ADGRG6: variants seen among roughly 807,000 people sequenced by gnomAD.
The protein encoded by ADGRG6 is G-protein coupled receptor 126.
A neutral mutation model predicts 142.4 loss-of-function variants in ADGRG6; 84 were observed. The ratio of observed to expected loss-of-function variants is 0.59; its 90% CI spans 0.49 to 0.71. The LOEUF (loss-of-function observed/expected upper bound fraction) is 0.71. Among genes scored for constraint, ADGRG6 ranks in the 30% least tolerant of loss-of-function variants. ADGRG6 has a pLI of 0.00. For synonymous variants in ADGRG6, 521 were observed against 520.5 expected, an observed-to-expected ratio of 1.00 and a Z score of -0.01; for missense variants, 1,367 against 1,466.6, an observed-to-expected ratio of 0.93 and a Z score of 1.11.
chr6:142,417,497 C>G (rs560510770), intron 21 of ADGRG6, 128 bp downstream of exon 21: 1 of 609,234 alleles, frequency 1.6e-6, no homozygotes, highest in African/African-American at 1.9e-5. Flanking sequence ...CTGCCAAAAT[C>G]TCTGCTACAC....
In ADGRG6 at chr6:142,435,212, C is replaced by G. The variant is rs934185796; in HGVS notation, c.3320-2222C>G. On this transcript the variant is annotated intron_variant, in intron 22 of 24. Transcript: ENST00000367609. ...ATACAAGGATTGCCTACCTGGTTCACCATTGAATCTCCAACTCCTAAAACA... is the reference window on the plus strand; with the variant it reads ...ATACAAGGATTGCCTACCTGGTTCAGCATTGAATCTCCAACTCCTAAAACA... Among the ~76,000 whole-genome samples the G allele has an allele frequency of 2.6e-5, 4 of 152,104 alleles. No individual in the cohort carries two copies. In the South Asian group the frequency reaches 8.3e-4, roughly 32 times the overall value.
chr6:142,383,655 C>G (rs566692632), intron 5 of ADGRG6, 105 bp from the exon 6 acceptor site: 7 of 645,302 alleles, frequency 1.1e-5, no homozygotes. Flanking sequence ...AAAGTGGTTT[C>G]CATTCTTCCC....
At chr6:142,437,604 G>A in intron 23 of ADGRG6, 69 bp downstream of exon 23, 2 of 802,330 alleles carry the variant, frequency 2.5e-6, no homozygotes, top group Non-Finnish European at 4.5e-6. Flanking sequence ...GTCTTTCATT[G>A]TCAGAGCAAC....
rs1425827234 is a variant in ADGRG6 at position 142,367,711 on chromosome 6, A to G, written c.246A>G (p.Thr82=). 2 of 1,613,814 alleles carry G rather than the reference A, an allele frequency of 1.2e-6. No homozygotes were observed. The highest frequency in any genetic ancestry group is 2.7e-5 in the African/African-American group (2 of 74,926). ...RAPTGYIIQI[T]FNDFDIEEAP... is the part of the protein sequence containing the mutation. ...CCACCGGTTATATCATTCAGATAAC[A>G]TTTAACGACTTTGACATTGAAGAAG... Residue 82 remains threonine (T), a synonymous_variant, in exon 3 of 25, where the codon ACA becomes ACG. Coordinates refer to ENST00000367609, the MANE Select transcript of ADGRG6 (RefSeq NM_198569.3).
rs543519544 is a variant in ADGRG6, at chr6:142,357,712, T to C, written c.104-9857T>C. ...ATATTCTCCCAACTTATTGGGAAGG[T>C]AAGTTTGTAAACCCAAAATTTGCTC... On this transcript the variant is annotated intron_variant, in intron 2 of 24. Coordinates refer to ENST00000367609, the MANE Select transcript of ADGRG6 (RefSeq NM_198569.3). Among the ~76,000 whole-genome samples the C allele has an allele frequency of 5.9e-5, 9 of 152,288 alleles. No individual in the cohort carries two copies. In the East Asian group the frequency reaches 1.3e-3, roughly 23 times the overall value.
chr6:142,370,510 C>T lies in ADGRG6; in HGVS notation c.786C>T (p.Gly262=), dbSNP rs1583049127. The part of the protein sequence containing the change: ...QLCLVWNNSL[G]SIGVNFKRNY... The stretch of plus-strand genomic sequence containing the variant: ...GCCTTGTTTGGAATAATTCTTTGGG[C>T]TCTATTGGTGTAAATTTCAAAAGAA... Residue 262 remains glycine, a synonymous_variant, in exon 4 of 25, where the codon GGC becomes GGT. Transcript: ENST00000367609. 3.1e-6 allele frequency: 5 copies of T among 1,613,468 alleles called. No individual in the cohort carries two copies. Among genetic ancestry groups the T allele is most frequent in the Non-Finnish European group, 3.4e-6 (4 of 1,179,422 alleles).
At chr6:142,407,503 GA>G (rs1775868689) in intron 15 of ADGRG6, among the ~76,000 whole-genome samples, 1 of 152,052 alleles carries the variant, frequency 6.6e-6, no homozygotes, top group African/African-American at 2.4e-5. Flanking sequence ...ACAAGGGAAA[GA>G]AAAAAATAGA....
chr6:142,308,286 C>T (rs757253783), intron 1 of ADGRG6, among the ~76,000 whole-genome samples: 11 of 151,878 alleles, frequency 7.2e-5, no homozygotes, highest in East Asian at 1.9e-4. Flanking sequence ...AGGCACAAGG[C>T]GATCAAGCAA....
intron 2 of ADGRG6, among the ~76,000 whole-genome samples, chr6:142,339,260 G>A (rs1562322251): frequency 6.6e-6 from 1 of 152,178 alleles, no homozygotes; most frequent in Non-Finnish European, 1.5e-5. Flanking sequence ...CAAGCCAGGT[G>A]GAGAATCCCT....
chr6:142,387,630 C>T (rs1462954567), intron 6 of ADGRG6, among the ~76,000 whole-genome samples: 3 of 152,080 alleles, frequency 2.0e-5, no homozygotes, highest in Non-Finnish European at 4.4e-5. Flanking sequence ...TCAAATAGGC[C>T]TATCATTTCA....
At chr6:142,365,745 G>T (rs1439109564) in intron 2 of ADGRG6, among the ~76,000 whole-genome samples, 1 of 152,150 alleles carries the variant, frequency 6.6e-6, no homozygotes, top group African/African-American at 2.4e-5. Flanking sequence ...AGTTGGCAAA[G>T]TGAAACATTG....
At chr6:142,324,440 C>A (rs1399597392) in intron 2 of ADGRG6, among the ~76,000 whole-genome samples, 1 of 152,052 alleles carries the variant, frequency 6.6e-6, no homozygotes, top group African/African-American at 2.4e-5. Context: ...ATTTTTTCCT[C>A]TGGCATTCCA....
intron 9 of ADGRG6, among the ~76,000 whole-genome samples, chr6:142,394,715 G>A (rs1775081224): frequency 6.6e-6 from 1 of 151,430 alleles, no homozygotes; most frequent in African/African-American, 2.4e-5. Flanking sequence ...CTGAGTAGCT[G>A]GGGCTACACA....
At chr6:142,442,404 G>A (rs1425692005) in intron 24 of ADGRG6, among the ~76,000 whole-genome samples, 2 of 152,198 alleles carry the variant, frequency 1.3e-5, no homozygotes, top group Middle Eastern at 3.4e-3. Flanking sequence ...ACAACCATAC[G>A]TCTTTATAGA....
At chr6:142,374,642 C>T (rs553752206) in intron 4 of ADGRG6, among the ~76,000 whole-genome samples, 1 of 152,278 alleles carries the variant, frequency 6.6e-6, no homozygotes, top group South Asian at 2.1e-4. Flanking sequence ...ATTTATGCCA[C>T]TCCCTTTATA....
chr6:142,401,081 G>T (rs1775497457), intron 11 of ADGRG6, among the ~76,000 whole-genome samples: 1 of 152,114 alleles, frequency 6.6e-6, no homozygotes, highest in African/African-American at 2.4e-5. Context: ...CTAGATAATT[G>T]CAGGGATTCA....
At chr6:142,371,766 T>C (rs770617057) in intron 4 of ADGRG6, among the ~76,000 whole-genome samples, 8 of 152,188 alleles carry the variant, frequency 5.3e-5, no homozygotes, top group Non-Finnish European at 1.0e-4. Context: ...ATTACAGGCA[T>C]GAGCCACCGT....
intron 5 of ADGRG6, among the ~76,000 whole-genome samples, 168 bp downstream of exon 5, chr6:142,382,187 G>A (rs185287209): frequency 6.6e-6 from 1 of 152,268 alleles, no homozygotes; most frequent in African/African-American, 2.4e-5. Context: ...TGCACAGTAC[G>A]TACGGCATGG....
chr6:142,396,807 C>G (rs2114996209), intron 9 of ADGRG6, among the ~76,000 whole-genome samples: 1 of 152,242 alleles, frequency 6.6e-6, no homozygotes, highest in African/African-American at 2.4e-5. Flanking sequence ...ACTTTTACCT[C>G]AGTGTTAAAT....
Sources: allele counts gnomAD v4.1 joint callset (sites outside exome capture counted in the v4.1 genomes callset), GRCh38; gene constraint gnomAD v4.1.1; transcripts MANE v1.5; gene names NCBI Gene and HGNC (gene_info 2026-07-23, HGNC 2026-07-21).